Variants in HYDIN observed in about 807,000 individuals in gnomAD.
The protein encoded by HYDIN is axonemal central pair apparatus protein HYDIN.
A neutral mutation model predicts 403.9 loss-of-function variants in HYDIN; 132 were observed. The ratio of observed to expected loss-of-function variants is 0.33; its 90% CI spans 0.28 to 0.38. The LOEUF is 0.38. Among genes scored for constraint, HYDIN ranks in the 10% least tolerant of loss-of-function variants. HYDIN has a pLI of 1.00. For missense variants in HYDIN, 2,827 were observed against 5,009.5 expected (o/e 0.56, Z 13.15); for synonymous variants, 1,202 against 1,891.7 (o/e 0.64, Z 9.46).
At chr16:70,809,357 G>A (rs903133766) in intron 85 of HYDIN, among the ~76,000 whole-genome samples, 1 of 152,148 alleles carries the variant, frequency 6.6e-6, no homozygotes, top group African/African-American at 2.4e-5. Flanking sequence ...GCAAGGTTGG[G>A]GGTATTATCC....
At chr16:71,050,752 C>G (rs181365411) in intron 18 of HYDIN, among the ~76,000 whole-genome samples, 3 of 151,696 alleles carry the variant, frequency 2.0e-5, no homozygotes, top group African/African-American at 7.3e-5. Flanking sequence ...TAATTTTTTA[C>G]CAATACATTT....
intron 18 of HYDIN, among the ~76,000 whole-genome samples, chr16:71,049,217 C>T (rs529111713): frequency 9.8e-5 from 15 of 152,312 alleles, no homozygotes; most frequent in African/African-American, 3.6e-4. Flanking sequence ...CGAAAATGAT[C>T]CTGCAGGAAG....
At chr16:71,022,747 G>T (rs1342768223) in intron 21 of HYDIN, among the ~76,000 whole-genome samples, 2 of 144,930 alleles carry the variant, frequency 1.4e-5, no homozygotes, top group African/African-American at 5.0e-5. Context: ...TCTTTGTGGG[G>T]AAGGAGAGAA....
At chr16:71,002,057 CT>C (rs2079733793) in intron 23 of HYDIN, among the ~76,000 whole-genome samples, 1 of 152,188 alleles carries the variant, frequency 6.6e-6, no homozygotes, top group South Asian at 2.1e-4. Flanking sequence ...TGAATTCTGT[CT>C]TTTCCTTCAA....
intron 1 of HYDIN, chr16:71,203,646 G>C (rs367999349): frequency 8.5e-5 from 36 of 424,648 alleles, no homozygotes; most frequent in African/African-American, 6.3e-4. Flanking sequence ...CTCTGGATTA[G>C]GTAACCCAGG....
At chr16:71,145,776 T>C (rs1245237422) in intron 7 of HYDIN, among the ~76,000 whole-genome samples, 1 of 152,180 alleles carries the variant, frequency 6.6e-6, no homozygotes, top group Non-Finnish European at 1.5e-5. Flanking sequence ...GAAAGAACAC[T>C]GCCCAGGAGG....
At chr16:71,145,404 G>A (rs1169973166) in intron 7 of HYDIN, among the ~76,000 whole-genome samples, 3 of 152,022 alleles carry the variant, frequency 2.0e-5, no homozygotes, top group Non-Finnish European at 2.9e-5. Context: ...ACAGGCACAC[G>A]CCATCACACC....
chr16:71,195,984 T>A (rs966198490), intron 1 of HYDIN, among the ~76,000 whole-genome samples: 2 of 152,100 alleles, frequency 1.3e-5, no homozygotes, highest in Admixed American at 6.5e-5. Context: ...AAGGACCATG[T>A]AGGAAGAAGG....
chr16:70,863,008 C>A, intron 68 of HYDIN, 77 bp downstream of exon 68: 1 of 1,076,828 alleles, frequency 9.3e-7, no homozygotes, highest in Non-Finnish European at 1.4e-6. Flanking sequence ...CTGAGCAGTG[C>A]TGGCCTCTCC....
rs1397623821 is a variant in HYDIN, at chr16:70,970,696, C to T, written c.5443G>A (p.Ala1815Thr). 3.9e-6 allele frequency: 6 copies of T among 1,536,140 alleles called. No homozygotes were observed. The highest frequency in any genetic ancestry group is 4.5e-6 in the Non-Finnish European group (5 of 1,116,288). Residue 1815 changes from alanine (A) to threonine (T), a missense_variant, in exon 36 of 86, where the codon GCA becomes ACA. Transcript: ENST00000393567. ...AQSAQKLTLLARGQGLEPRLE... is the reference protein window; with the variant it reads ...AQSAQKLTLLTRGQGLEPRLE... ...CGTGGCTCTAGACCTTGCCCACGTG[C>T]CAGGAGGGTAAGCTTTTGAGCACTC...
At chr16:70,840,668 C>G (rs1490084415) in intron 75 of HYDIN, among the ~76,000 whole-genome samples, 4 of 152,206 alleles carry the variant, frequency 2.6e-5, no homozygotes, top group African/African-American at 9.7e-5. Context: ...AGAGGGTGTT[C>G]TATCTTGAAT....
At chr16:71,065,382 C>G (rs74592654) in intron 15 of HYDIN, among the ~76,000 whole-genome samples, 152 of 144,640 alleles carry the variant, frequency 1.1e-3, no homozygotes, top group African/African-American at 2.8e-3. Context: ...GTCACTGTGC[C>G]GACATGGCGG....
At chr16:71,170,882 C>G (rs1390699149) in intron 5 of HYDIN, among the ~76,000 whole-genome samples, 1 of 152,112 alleles carries the variant, frequency 6.6e-6, no homozygotes, top group Non-Finnish European at 1.5e-5. Flanking sequence ...ACAGATGAAG[C>G]CAGACTGGTC....
At chr16:70,989,159 G>A (rs990686507) in intron 25 of HYDIN, among the ~76,000 whole-genome samples, 19 of 152,090 alleles carry the variant, frequency 1.2e-4, no homozygotes, top group Admixed American at 3.3e-4. Context: ...GAATGCCTGG[G>A]CTCAAGTGAC....
At chr16:70,863,815 T>C (rs1304166777) in intron 67 of HYDIN, among the ~76,000 whole-genome samples, 1 of 151,528 alleles carries the variant, frequency 6.6e-6, no homozygotes, top group African/African-American at 2.4e-5. Context: ...ACCCAGGAGA[T>C]GGAGGTTGCA....
chr16:70,944,619 G>T (rs1219545601), intron 41 of HYDIN, among the ~76,000 whole-genome samples: 1 of 152,176 alleles, frequency 6.6e-6, no homozygotes, highest in African/African-American at 2.4e-5. Context: ...CAGGCTGAAG[G>T]TTAAAGACAC....
Position 70,941,772 on chromosome 16 carries a change from G to A in HYDIN, c.6717C>T (p.Leu2239=). The A allele has an allele frequency of 2.5e-6, 4 of 1,580,566 alleles. No homozygotes were observed. The highest frequency in any genetic ancestry group is 3.4e-6 in the Non-Finnish European group (4 of 1,164,900). The part of the protein sequence containing the change: ...RGVVFDGLDT[L]FAQNAAAALL... ...GGGCGGCTGCAGCATTCTGAGCAAA[G>A]AGAGTGTCGAGGCCATCAAACACCA... Residue 2239 remains leucine (L), a synonymous_variant, in exon 43 of 86, where the codon CTC becomes CTT. Coordinates refer to ENST00000393567, the MANE Select transcript of HYDIN (RefSeq NM_001270974.2).
At chr16:71,090,605 T>C (rs1862482093) in intron 11 of HYDIN, 1 of 152,172 alleles carries the variant, frequency 6.6e-6, no homozygotes, top group African/African-American at 2.4e-5. Context: ...GCTCAAGTGA[T>C]CGTCCTGCCT....
intron 18 of HYDIN, among the ~76,000 whole-genome samples, chr16:71,040,284 C>T (rs2081242922): frequency 6.6e-6 from 1 of 150,398 alleles, no homozygotes; most frequent in Non-Finnish European, 1.5e-5. Flanking sequence ...AAGGGACACA[C>T]TCCCTTCGTG....
Sources: gnomAD v4.1 joint callset for allele counts (sites outside exome capture counted in the v4.1 genomes callset) on GRCh38, gnomAD v4.1.1 for gene constraint, MANE v1.5 for transcripts, NCBI Gene and HGNC (gene_info 2026-07-23, HGNC 2026-07-21) for gene names.